COX11: variants seen among roughly 807,000 people sequenced by gnomAD.
COX11 encodes the protein cytochrome c oxidase copper chaperone COX11.
A neutral mutation model predicts 29.4 loss-of-function variants in COX11; 18 were observed. The ratio of observed to expected loss-of-function variants is 0.61; its 90% CI spans 0.42 to 0.91. The LOEUF (loss-of-function observed/expected upper bound fraction) is 0.91, where lower values mean the gene tolerates loss of function less well. Ranked by LOEUF, COX11 falls within the 40% of genes least tolerant of loss-of-function variation. The pLI is 0.00. For missense variants in COX11, 312 were observed against 346.0 expected, an observed-to-expected ratio of 0.90 and a Z score of 0.78; for synonymous variants, 131 against 124.0, an observed-to-expected ratio of 1.06 and a Z score of -0.38.
At chr17:54,965,177 TA>T (rs1307647795) in intron 1 of COX11, among the ~76,000 whole-genome samples, 1 of 152,226 alleles carries the variant, frequency 6.6e-6, no homozygotes, top group Non-Finnish European at 1.5e-5. Context: ...TAGCCATTTA[TA>T]AAAAACACAT....
In COX11 at chr17:54,962,106, A is replaced by T. The variant is rs2077140787; in HGVS notation, c.*627T>A. ...AGCCTAGTAGATGTATTTTATTTCA[A>T]TTTTATGATACTACAGTTTCAAAGT... On this transcript the variant is annotated 3_prime_UTR_variant, in exon 4 of 4. Coordinates refer to ENST00000299335, the MANE Select transcript of COX11 (RefSeq NM_004375.5). 1.0e-6 allele frequency: 1 copy of T among 961,302 alleles called. No homozygotes were observed. The highest frequency in any genetic ancestry group is 1.2e-6 in the Non-Finnish European group (1 of 807,878). The allele number at this position is 961,302 out of a possible 1,614,324, so 59.5% of individuals were successfully genotyped here. A position where few individuals can be genotyped will look rare whatever the true frequency, so the allele number is the denominator to read the frequency against.
intron 2 of COX11, 34 bp from the exon 3 acceptor site, chr17:54,963,465 T>C: frequency 1.9e-6 from 3 of 1,574,162 alleles, no homozygotes; most frequent in Non-Finnish European, 2.6e-6. Flanking sequence ...ATCAATACTT[T>C]GAATCTCACA....
chr17:54,968,173 G>A (rs1009778750), intron 1 of COX11, 108 bp downstream of exon 1: 153 of 1,494,098 alleles, frequency 1.0e-4, no homozygotes, highest in Non-Finnish European at 1.3e-4. Context: ...AGATAATATC[G>A]GAAACCTCTT....
At chr17:54,952,546 C>CAAAAAAAAAA (rs71159275) in exon 1 of COX11, 1 of 90,198 alleles carries the variant, frequency 1.1e-5, no homozygotes, top group Non-Finnish European at 2.1e-5. Context: ...GAGACTGTCT[C>CAAAAAAAAAA]AAAAAAAAAA....
chr17:54,964,808 G>A lies in COX11; in HGVS notation c.411C>T (p.Asp137=). ...GGSAVAGHAS[D]KIENMVPVKD... Reference sequence around the variant, plus strand: ...TAACAGGCACCATGTTTTCAATCTTGTCTGAGGCATGACCTGCAACTGCTG... The same window carrying A: ...TAACAGGCACCATGTTTTCAATCTTATCTGAGGCATGACCTGCAACTGCTG... Residue 137 remains aspartate (D), a synonymous_variant, in exon 2 of 4, where the codon GAC becomes GAT. Transcript: ENST00000299335. 6.2e-7 allele frequency: 1 copy of A among 1,613,410 alleles called. No individual in the cohort carries two copies. The highest frequency in any genetic ancestry group is 8.5e-7 in the Non-Finnish European group (1 of 1,179,954).
rs534878358 is a variant in COX11 at position 54,961,424 on chromosome 17, G to A, written c.*1309C>T. ...TAACACTGATTCCTGACAACAGCGT[G>A]AGATTTCAACAGAACTTGTTTGGAA... On this transcript the variant is annotated 3_prime_UTR_variant, in exon 4 of 4. Transcript: ENST00000299335. 26 of 1,517,334 alleles carry A rather than the reference G, an allele frequency of 1.7e-5. No homozygotes were observed. In the African/African-American group the frequency reaches 3.2e-4, roughly 19 times the overall value. The allele number at this position is 1,517,334 out of a possible 1,614,324, so 94.0% of individuals were successfully genotyped here. A position where few individuals can be genotyped will look rare whatever the true frequency, so the allele number is the denominator to read the frequency against.
At chr17:54,955,831 G>A (rs984008911), downstream of COX11, among the ~76,000 whole-genome samples, 1 of 152,194 alleles carries the variant, frequency 6.6e-6, no homozygotes, top group Non-Finnish European at 1.5e-5. Flanking sequence ...CTGCTTCAAA[G>A]CAGCACCGAG....
Position 54,962,617 on chromosome 17 carries a change from A to C in COX11, c.*116T>G, listed in dbSNP as rs114189747. The C allele has an allele frequency of 3.0e-3, 4,202 of 1,384,270 alleles. 93 individuals are homozygous for C. In the African/African-American group the frequency reaches 0.05, roughly 17 times the overall value. The allele number at this position is 1,384,270 out of a possible 1,614,324, so 85.7% of individuals were successfully genotyped here. A position where few individuals can be genotyped will look rare whatever the true frequency, so the allele number is the denominator to read the frequency against. ...AAGTGAAAAAAATTAGTTGAGAAAA[A>C]ATAATTATTTAAAATATAAGCCTTC... is the stretch of plus-strand genomic sequence containing the variant. On this transcript the variant is annotated 3_prime_UTR_variant, in exon 4 of 4. Transcript: ENST00000299335.
downstream of COX11, chr17:54,957,993 T>C (rs2076992578): frequency 6.6e-6 from 1 of 152,200 alleles, no homozygotes; most frequent in African/African-American, 2.4e-5. Flanking sequence ...AAATGAGGAT[T>C]AGAGAAAGCT....
Position 54,961,839 on chromosome 17 carries a change from C to T in COX11, c.*894G>A. 3 of 980,924 alleles carry T rather than the reference C, an allele frequency of 3.1e-6. No individual in the cohort carries two copies. Among genetic ancestry groups the T allele is most frequent in the Non-Finnish European group, 3.6e-6 (3 of 825,678 alleles). 60.8% of individuals were successfully genotyped at this position (980,924 alleles called of 1,614,324 possible). On this transcript the variant is annotated 3_prime_UTR_variant, in exon 4 of 4. Transcript: ENST00000299335. ...CCTTTAAATATGATTCTTTGTAATG[C>T]TAAATAGCCTTTTTTTCTCTTTTTA...
At chr17:54,956,415 A>C (rs1322663499), downstream of COX11, among the ~76,000 whole-genome samples, 1 of 151,738 alleles carries the variant, frequency 6.6e-6, no homozygotes, top group Non-Finnish European at 1.5e-5. Context: ...GGCAATTCTC[A>C]TGCCTCAGCC....
intron 2 of COX11, among the ~76,000 whole-genome samples, chr17:54,963,974 C>A (rs1454228174): frequency 1.3e-5 from 2 of 152,054 alleles, no homozygotes; most frequent in East Asian, 3.8e-4. Context: ...GCCACTAATA[C>A]CTTTGTATAC....
intron 1 of COX11, among the ~76,000 whole-genome samples, chr17:54,967,018 A>G (rs1261918318): frequency 5.1e-5 from 4 of 78,082 alleles, no homozygotes; most frequent in Non-Finnish European, 1.2e-4. Flanking sequence ...CTACAAATTT[A>G]AATAAATAAA....
At chr17:54,956,037 T>C (rs1266775560), downstream of COX11, among the ~76,000 whole-genome samples, 1 of 151,796 alleles carries the variant, frequency 6.6e-6, no homozygotes, top group African/African-American at 2.4e-5. Flanking sequence ...ATAAGGGAGG[T>C]CAAGTCAGGG....
At chr17:54,963,095 G>A in intron 3 of COX11, 180 bp from the exon 4 acceptor site, 1 of 781,626 alleles carries the variant, frequency 1.3e-6, no homozygotes, top group Admixed American at 3.1e-5. Flanking sequence ...CTGCTTTAAG[G>A]ATGAAGAACA....
chr17:54,965,359 T>C (rs991846454), intron 1 of COX11, among the ~76,000 whole-genome samples: 5 of 152,206 alleles, frequency 3.3e-5, no homozygotes, highest in Non-Finnish European at 7.3e-5. Context: ...ACATTCTGCT[T>C]TTCTAAGGTA....
rs1340010978 is a variant in COX11, at chr17:54,961,262, A to G, written c.*1471T>C. Reference sequence around the variant, plus strand: ...GAAAGTGGATGATCAGCTCACTACCACATCAAAGGTGCCAACTCTCTAAAA... The same window carrying G: ...GAAAGTGGATGATCAGCTCACTACCGCATCAAAGGTGCCAACTCTCTAAAA... On this transcript the variant is annotated 3_prime_UTR_variant, in exon 4 of 4. Coordinates refer to ENST00000299335, the MANE Select transcript of COX11 (RefSeq NM_004375.5). 1.9e-6 allele frequency: 3 copies of G among 1,550,722 alleles called. No homozygotes were observed. Among genetic ancestry groups the G allele is most frequent in the Non-Finnish European group, 2.6e-6 (3 of 1,146,250 alleles).
At chr17:54,952,940 A>T (rs1567843969) in exon 1 of COX11, 1 of 152,246 alleles carries the variant, frequency 6.6e-6, no homozygotes. Flanking sequence ...AGAATGAGTG[A>T]AAGTTTTAGA....
At chr17:54,958,185 G>A (rs1202603068), downstream of COX11, 1 of 152,242 alleles carries the variant, frequency 6.6e-6, no homozygotes, top group East Asian at 1.9e-4. Flanking sequence ...AGTACCAGAT[G>A]AGGAAAATGT....
Sources: gnomAD v4.1 joint callset for allele counts (sites outside exome capture counted in the v4.1 genomes callset) on GRCh38, gnomAD v4.1.1 for gene constraint, MANE v1.5 for transcripts, NCBI Gene and HGNC (gene_info 2026-07-23, HGNC 2026-07-21) for gene names.